Variants in TEF observed in about 807,000 individuals in gnomAD.
TEF encodes TEF transcription factor, PAR bZIP family member.
Under a neutral mutation model 20.8 loss-of-function variants are expected in TEF, and 3 were observed. The observed-to-expected ratio is 0.14, with a 90% CI of 0.07 to 0.37. The LOEUF is 0.37. Ranked by LOEUF, TEF falls within the 10% of genes least tolerant of loss-of-function variation. The pLI, the probability that TEF is intolerant of heterozygous loss-of-function variation, is 1.00. For missense variants in TEF, 296 were observed against 397.9 expected (o/e 0.74, Z 2.18); for synonymous variants, 180 against 171.1 (o/e 1.05, Z -0.41).
In TEF at chr22:41,396,792, G is replaced by T. The variant is rs1379216448; in HGVS notation, c.*832G>T. The stretch of plus-strand genomic sequence containing the variant: ...GTTTGTCCCACTAGACCAGGCCTCT[G>T]GGCCTGCTCTTTCTTTCCACCCAAT... On this transcript the variant is annotated 3_prime_UTR_variant, in exon 4 of 4. Transcript: ENST00000266304. 2 of 396,418 alleles carry T rather than the reference G, an allele frequency of 5.0e-6. No homozygotes were observed. The highest frequency in any genetic ancestry group is 6.2e-4 in the Middle Eastern group (1 of 1,604). 24.6% of individuals were successfully genotyped at this position (396,418 alleles called of 1,614,324 possible).
intron 1 of TEF, among the ~76,000 whole-genome samples, chr22:41,376,259 T>TG (rs1223361601): frequency 2.0e-5 from 3 of 152,260 alleles, no homozygotes; most frequent in Middle Eastern, 3.2e-3. Flanking sequence ...GTTGTTGAGA[T>TG]GGAGTCTCGC....
At chr22:41,370,823 C>G (rs2036875688) in intron 1 of TEF, among the ~76,000 whole-genome samples, 2 of 152,198 alleles carry the variant, frequency 1.3e-5, no homozygotes, top group African/African-American at 4.8e-5. Context: ...TGCCTCTTTC[C>G]TGTCCCTGGA....
intron 2 of TEF, 88 bp from the exon 3 acceptor site, chr22:41,394,008 T>G: frequency 8.9e-4 from 1,127 of 1,262,360 alleles, no homozygotes; most frequent in Non-Finnish European, 1.1e-3. Context: ...TATGCAGCCT[T>G]GAGGTTCAAC....
intron 2 of TEF, among the ~76,000 whole-genome samples, chr22:41,388,696 C>T (rs1303103908): frequency 6.6e-6 from 1 of 152,094 alleles, no homozygotes; most frequent in Non-Finnish European, 1.5e-5. Context: ...TTTTCATGCT[C>T]CTTGGACACG....
At chr22:41,385,146 C>T (rs1030171304) in intron 1 of TEF, among the ~76,000 whole-genome samples, 1 of 152,014 alleles carries the variant, frequency 6.6e-6, no homozygotes, top group African/African-American at 2.4e-5. Flanking sequence ...GATGGATCAC[C>T]TGAGGTCGGG....
rs2037042539 is a variant in TEF at position 41,382,348 on chromosome 22, G to A, written c.157+147G>A. On this transcript the variant is annotated intron_variant, in intron 1 of 3. Coordinates refer to ENST00000266304, the MANE Select transcript of TEF (RefSeq NM_003216.4). ...GGCCTGGATGACCAGGAGCCTGGAG[G>A]ACGAGGCCGGGGGGCTGAGGACAGA... The A allele has an allele frequency of 5.5e-6, 4 of 731,252 alleles. No individual in the cohort carries two copies. The East Asian group carries it at 1.0e-4, about 19-fold the overall frequency. 45.3% of individuals were successfully genotyped at this position (731,252 alleles called of 1,614,324 possible). A position where few individuals can be genotyped will look rare whatever the true frequency, so the allele number is the denominator to read the frequency against.
intron 1 of TEF, among the ~76,000 whole-genome samples, chr22:41,376,299 C>CA: frequency 6.6e-6 from 1 of 152,222 alleles, no homozygotes; most frequent in Non-Finnish European, 1.5e-5. Context: ...TGCAGTGGCG[C>CA]AATCTCGGCT....
intron 2 of TEF, among the ~76,000 whole-genome samples, chr22:41,388,131 G>A (rs1205733620): frequency 6.6e-6 from 1 of 150,894 alleles, no homozygotes; most frequent in Non-Finnish European, 1.5e-5. Flanking sequence ...TGAGTAGCTG[G>A]GATTACAGGC....
intron 1 of TEF, among the ~76,000 whole-genome samples, chr22:41,376,881 G>A (rs2036948817): frequency 6.6e-6 from 1 of 152,240 alleles, no homozygotes; most frequent in Non-Finnish European, 1.5e-5. Context: ...GTTTAGACAG[G>A]AGAAGTCGCT....
intron 1 of TEF, among the ~76,000 whole-genome samples, chr22:41,371,367 G>A (rs1412015539): frequency 9.2e-5 from 14 of 152,146 alleles, no homozygotes. Flanking sequence ...GCATCCCCAC[G>A]TAGGGGCACT....
chr22:41,394,226 C>T lies in TEF; in HGVS notation c.606C>T (p.Asn202=). Residue 202 remains asparagine (N), a synonymous_variant, in exon 3 of 4, where the codon AAC becomes AAT. Coordinates refer to ENST00000266304, the MANE Select transcript of TEF (RefSeq NM_003216.4). ...LSSVPGGELF[N]PRKHKFAEED... ...GTGTGCCAGGCGGGGAGCTCTTCAA[C>T]CCTCGGAAGCACAAGTTTGCTGAGG... The T allele has an allele frequency of 3.7e-6, 6 of 1,614,160 alleles. No homozygotes were observed. Among genetic ancestry groups the T allele is most frequent in the Non-Finnish European group, 5.1e-6 (6 of 1,180,040 alleles).
At chr22:41,370,098 T>C in intron 1 of TEF, 12 of 984,688 alleles carry the variant, frequency 1.2e-5, no homozygotes, top group Non-Finnish European at 1.3e-5. Flanking sequence ...TCACTCCACT[T>C]TCTTTTATTT....
chr22:41,381,880 C>T (rs1203612875), upstream of TEF: 69 of 1,224,992 alleles, frequency 5.6e-5, no homozygotes, highest in East Asian at 1.3e-3. Flanking sequence ...AATTAATGTG[C>T]CAGAGCCGGT....
chr22:41,368,705 C>T (rs1416251681), intron 1 of TEF, among the ~76,000 whole-genome samples: 1 of 152,156 alleles, frequency 6.6e-6, no homozygotes, highest in Admixed American at 6.6e-5. Context: ...CCGGAGCTCT[C>T]GCACGCAGCT....
intron 2 of TEF, 100 bp downstream of exon 2, chr22:41,387,768 C>T: frequency 8.0e-7 from 1 of 1,244,002 alleles, no homozygotes; most frequent in South Asian, 1.4e-5. Context: ...AGTCCCTTCT[C>T]TGAGGGGAGG....
Position 41,397,048 on chromosome 22 carries a change from C to G in TEF, c.*1088C>G, listed in dbSNP as rs1342407448. ...GCACTCTCCCTGGGGGCAGCTGGGG[C>G]CTCGCAATTCTTGCTTCAGGATCTC... On this transcript the variant is annotated 3_prime_UTR_variant, in exon 4 of 4. Transcript: ENST00000266304. 1 of 398,742 alleles carries G rather than the reference C, an allele frequency of 2.5e-6. No homozygotes were observed. Among genetic ancestry groups the G allele is most frequent in the East Asian group, 3.6e-5 (1 of 28,096 alleles). 24.7% of individuals were successfully genotyped at this position (398,742 alleles called of 1,614,324 possible).
chr22:41,388,704 A>G (rs2037129678), intron 2 of TEF, among the ~76,000 whole-genome samples: 2 of 152,128 alleles, frequency 1.3e-5, no homozygotes, highest in African/African-American at 4.8e-5. Flanking sequence ...CTCCTTGGAC[A>G]CGAACCTACC....
In TEF at chr22:41,394,278, A is replaced by C; in HGVS notation, c.658A>C (p.Lys220Gln). The C allele has an allele frequency of 6.2e-7, 1 of 1,614,096 alleles. No homozygotes were observed. Among genetic ancestry groups the C allele is most frequent in the South Asian group, 1.1e-5 (1 of 91,084 alleles). The stretch of plus-strand genomic sequence containing the variant: ...GGACCTGAAGCCCCAGCCTATGATC[A>C]AAAAGGCCAAGAAGGTCTTTGTCCC... ...EEDLKPQPMI[K>Q]KAKKVFVPDE... The change falls in exon 3 of 4, where the codon AAA becomes CAA. Residue 220 changes from lysine (K) to glutamine (Q), a missense_variant. Transcript: ENST00000266304.
intron 1 of TEF, among the ~76,000 whole-genome samples, chr22:41,370,378 G>A: frequency 6.7e-6 from 1 of 148,320 alleles, no homozygotes; most frequent in East Asian, 2.0e-4. Flanking sequence ...CTCCCGAAGT[G>A]CTGGGATTAC....
Sources: allele counts gnomAD v4.1 joint callset (sites outside exome capture counted in the v4.1 genomes callset), GRCh38; gene constraint gnomAD v4.1.1; transcripts MANE v1.5; gene names NCBI Gene and HGNC (gene_info 2026-07-23, HGNC 2026-07-21).